DUSP28: variants seen among roughly 807,000 people sequenced by gnomAD.
DUSP28 encodes the protein dual specificity phosphatase 28.
Under a neutral mutation model 8.4 loss-of-function variants are expected in DUSP28, and 11 were observed. The ratio of observed to expected loss-of-function variants is 1.31; its 90% CI spans 0.83 to 2.17. The LOEUF is 2.17. DUSP28 is among the 30% of genes most tolerant of loss of function. DUSP28 has a pLI of 0.00. For synonymous variants in DUSP28, 178 were observed against 130.9 expected (o/e 1.36, Z -2.46); for missense variants, 373 against 270.4 (o/e 1.38, Z -2.66).
rs889347576 is a variant in DUSP28 at position 240,562,082 on chromosome 2, T to C, written c.*615T>C. 4.1e-4 allele frequency: 62 copies of C among 151,276 alleles called. 3 individuals carry two copies. The allele number at this position is 151,276 out of a possible 1,614,324, so 9.4% of individuals were successfully genotyped here. On this transcript the variant is annotated 3_prime_UTR_variant, in exon 2 of 2. Coordinates refer to ENST00000405954, the MANE Select transcript of DUSP28 (RefSeq NM_001370465.2). ...TACGGACATCCTTTTTCTTTCTCTC[T>C]TTCTTTTTTTTTGTTTGTTTGTTTG...
intron 1 of DUSP28, 126 bp downstream of exon 1, chr2:240,561,203 G>T: frequency 6.5e-7 from 1 of 1,534,448 alleles, no homozygotes. Context: ...CTCTCGTGAG[G>T]GCGGGCTTAG....
rs2092882110 is a variant in DUSP28 at position 240,560,535 on chromosome 2, C to T, written c.-150C>T. On this transcript the variant is annotated 5_prime_UTR_variant, in exon 1 of 2. Coordinates refer to ENST00000405954, the MANE Select transcript of DUSP28 (RefSeq NM_001370465.2). ...GTCCCGGCCCAGCGCCCGCGGGGGA[C>T]CCAAGCCCCAGCCTGGTCCACCTCG... The T allele has an allele frequency of 5.1e-6, 6 of 1,178,492 alleles. No homozygotes were observed. Among genetic ancestry groups the T allele is most frequent in the Middle Eastern group, 3.1e-4 (1 of 3,194 alleles). 73.0% of individuals were successfully genotyped at this position (1,178,492 alleles called of 1,614,324 possible). A position where few individuals can be genotyped will look rare whatever the true frequency, so the allele number is the denominator to read the frequency against.
chr2:240,560,469 C>A lies in DUSP28; in HGVS notation c.-216C>A. 1 of 673,402 alleles carries A rather than the reference C, an allele frequency of 1.5e-6. No individual in the cohort carries two copies. The highest frequency in any genetic ancestry group is 2.1e-6 in the Non-Finnish European group (1 of 469,584). The allele number at this position is 673,402 out of a possible 1,614,324, so 41.7% of individuals were successfully genotyped here. A position where few individuals can be genotyped will look rare whatever the true frequency, so the allele number is the denominator to read the frequency against. ...CCCCGGCGCCCTGGTGAGGCCCAAA[C>A]CTCCCGCCATGCCCCGGCCCCAACG... On this transcript the variant is annotated 5_prime_UTR_variant, in exon 1 of 2. Coordinates refer to ENST00000405954, the MANE Select transcript of DUSP28 (RefSeq NM_001370465.2).
Position 240,561,011 on chromosome 2 carries a change from C to T in DUSP28, c.327C>T (p.Arg109=), listed in dbSNP as rs530184793. 2 of 1,536,386 alleles carry T rather than the reference C, an allele frequency of 1.3e-6. No individual in the cohort carries two copies. The highest frequency in any genetic ancestry group is 2.0e-5 in the Admixed American group (1 of 49,178). ...TCTACTGCAAGAACGGCCGCAGCCG[C>T]TCGGCCGCCGTCTGCACCGCGTACC... The part of the protein sequence containing the change: ...CLVYCKNGRS[R]SAAVCTAYLM... Residue 109 remains arginine (R), a synonymous_variant, in exon 1 of 2, where the codon CGC becomes CGT. Transcript: ENST00000405954.
In DUSP28 at chr2:240,565,229, A is replaced by G. The variant is rs2092998331; in HGVS notation, c.*3762A>G. On this transcript the variant is annotated 3_prime_UTR_variant, in exon 2 of 2. Transcript: ENST00000405954. ...GCGTATTTACATTCTGTATGCGTCA[A>G]TGAGTAAAATACTGTGGTTGGTGCT... 6.6e-6 allele frequency among the ~76,000 whole-genome samples: 1 copy of G among 151,682 alleles called. No individual in the cohort carries two copies. The highest frequency in any genetic ancestry group is 6.5e-5 in the Admixed American group (1 of 15,278).
At position 240,560,580 on chromosome 2, in the gene DUSP28, G is replaced by T. The variant is rs936655776; in HGVS notation, c.-105G>T. 7 of 1,316,608 alleles carry T rather than the reference G, an allele frequency of 5.3e-6. No individual in the cohort carries two copies. Among genetic ancestry groups the T allele is most frequent in the East Asian group, 6.3e-5 (2 of 31,964 alleles). The allele number at this position is 1,316,608 out of a possible 1,614,324, so 81.6% of individuals were successfully genotyped here. On this transcript the variant is annotated 5_prime_UTR_variant, in exon 1 of 2. Transcript: ENST00000405954. ...ACCTCGGAGGCCTCTAGGACCCGGG[G>T]GCGCCCGGCGGCCCGCCCGGCTCCC... is the stretch of plus-strand genomic sequence containing the variant.
rs2092965348 is a variant in DUSP28 at position 240,561,786 on chromosome 2, C to T, written c.*319C>T. The T allele has an allele frequency of 4.1e-6, 1 of 241,720 alleles. No homozygotes were observed. Among genetic ancestry groups the T allele is most frequent in the Non-Finnish European group, 8.0e-6 (1 of 125,322 alleles). 15.0% of individuals were successfully genotyped at this position (241,720 alleles called of 1,614,324 possible). A position where few individuals can be genotyped will look rare whatever the true frequency, so the allele number is the denominator to read the frequency against. On this transcript the variant is annotated 3_prime_UTR_variant, in exon 2 of 2. Transcript: ENST00000405954. ...TCTCAGGGAAGGACATGAGTACAGA[C>T]TACAGTAATCAGAATCTGAGTCATA...
At chr2:240,561,215 G>A (rs1482434158) in intron 1 of DUSP28, 115 bp from the exon 2 acceptor site, 2 of 1,569,898 alleles carry the variant, frequency 1.3e-6, no homozygotes, top group Admixed American at 1.9e-5. Flanking sequence ...CGGGCTTAGG[G>A]AAGCAGAGAG....
rs2092996470 is a variant in DUSP28, at chr2:240,564,546, A to C, written c.*3079A>C. On this transcript the variant is annotated 3_prime_UTR_variant, in exon 2 of 2. Coordinates refer to ENST00000405954, the MANE Select transcript of DUSP28 (RefSeq NM_001370465.2). ...GCTTATTAAACAAGCCTTGGTCAGG[A>C]AAATCTAAACCACTTAAGGAACTGG... Among the ~76,000 whole-genome samples, 1 of 152,228 alleles carries C rather than the reference A, an allele frequency of 6.6e-6. No individual in the cohort carries two copies. The highest frequency in any genetic ancestry group is 1.5e-5 in the Non-Finnish European group (1 of 68,032).
chr2:240,560,655 G>C lies in DUSP28; in HGVS notation c.-30G>C. 1 of 1,479,688 alleles carries C rather than the reference G, an allele frequency of 6.8e-7. No homozygotes were observed. Among genetic ancestry groups the C allele is most frequent in the Non-Finnish European group, 8.9e-7 (1 of 1,127,104 alleles). The allele number at this position is 1,479,688 out of a possible 1,614,324, so 91.7% of individuals were successfully genotyped here. On this transcript the variant is annotated 5_prime_UTR_variant, in exon 1 of 2. Coordinates refer to ENST00000405954, the MANE Select transcript of DUSP28 (RefSeq NM_001370465.2). ...CTGAGCCCCCAAAATAGATCCTCAGGGCCCAAAAGCAGACTCTTCGGCGGG... is the reference window on the plus strand; with the variant it reads ...CTGAGCCCCCAAAATAGATCCTCAGCGCCCAAAAGCAGACTCTTCGGCGGG...
At position 240,563,657 on chromosome 2, in the gene DUSP28, T is replaced by A. The variant is rs2092993628; in HGVS notation, c.*2190T>A. 1 of 152,734 alleles carries A rather than the reference T, an allele frequency of 6.5e-6. No homozygotes were observed. The highest frequency in any genetic ancestry group is 2.4e-5 in the African/African-American group (1 of 41,454). The allele number at this position is 152,734 out of a possible 1,614,324, so 9.5% of individuals were successfully genotyped here. On this transcript the variant is annotated 3_prime_UTR_variant, in exon 2 of 2. Coordinates refer to ENST00000405954, the MANE Select transcript of DUSP28 (RefSeq NM_001370465.2). ...TTCCAGATAGGCCTAACAGCTGGTTTTCTGTTTGCATTTCAGCTGTTTCTG... is the reference window on the plus strand; with the variant it reads ...TTCCAGATAGGCCTAACAGCTGGTTATCTGTTTGCATTTCAGCTGTTTCTG...
chr2:240,561,085 G>A lies in DUSP28; in HGVS notation c.393+8G>A, dbSNP rs768550670. 6.8e-7 allele frequency: 1 copy of A among 1,473,644 alleles called. No homozygotes were observed. The highest frequency in any genetic ancestry group is 2.4e-5 in the East Asian group (1 of 40,900). 91.3% of individuals were successfully genotyped at this position (1,473,644 alleles called of 1,614,324 possible). A position where few individuals can be genotyped will look rare whatever the true frequency, so the allele number is the denominator to read the frequency against. On this transcript the variant is annotated splice_region_variant and intron_variant, in intron 1 of 1. Transcript: ENST00000405954. ...CTGGCGAAGGCCTTCCAGGTGGGCG[G>A]GCCTTTAGGGGGGCGGTGTTTCGAG...
At position 240,561,020 on chromosome 2, in the gene DUSP28, C is replaced by A; in HGVS notation, c.336C>A (p.Ala112=). 6.5e-7 allele frequency: 1 copy of A among 1,536,634 alleles called. No homozygotes were observed. Among genetic ancestry groups the A allele is most frequent in the Non-Finnish European group, 8.7e-7 (1 of 1,153,302 alleles). The change falls in exon 1 of 2, where the codon GCC becomes GCA. Residue 112 remains alanine, a synonymous_variant. Transcript: ENST00000405954. ...YCKNGRSRSA[A]VCTAYLMRHR... ...AGAACGGCCGCAGCCGCTCGGCCGC[C>A]GTCTGCACCGCGTACCTCATGCGGC...
rs978662315 is a variant in DUSP28 at position 240,564,331 on chromosome 2, C to T, written c.*2864C>T. On this transcript the variant is annotated 3_prime_UTR_variant, in exon 2 of 2. Coordinates refer to ENST00000405954, the MANE Select transcript of DUSP28 (RefSeq NM_001370465.2). ...GTGCCCTCTGAGGTCCATGGTCCCA[C>T]GGCACCACGGCCGCCCAGTGCACTC... 8.5e-5 allele frequency among the ~76,000 whole-genome samples: 13 copies of T among 152,228 alleles called. No individual in the cohort carries two copies. The highest frequency in any genetic ancestry group is 1.2e-4 in the Non-Finnish European group (8 of 68,044).
rs1559412089 is a variant in DUSP28 at position 240,563,291 on chromosome 2, T to A, written c.*1824T>A. 1.3e-5 allele frequency: 2 copies of A among 152,274 alleles called. No individual in the cohort carries two copies. Among genetic ancestry groups the A allele is most frequent in the East Asian group, 3.9e-4 (2 of 5,182 alleles). 9.4% of individuals were successfully genotyped at this position (152,274 alleles called of 1,614,324 possible). A position where few individuals can be genotyped will look rare whatever the true frequency, so the allele number is the denominator to read the frequency against. ...ATCTTGGCTCACTGCAAGCTCCGCC[T>A]CCCGGCTTCATGCCATTCTCGTCCT... is the stretch of plus-strand genomic sequence containing the variant. On this transcript the variant is annotated 3_prime_UTR_variant, in exon 2 of 2. Coordinates refer to ENST00000405954, the MANE Select transcript of DUSP28 (RefSeq NM_001370465.2).
In DUSP28 at chr2:240,562,325, A is replaced by G. The variant is rs1194355708; in HGVS notation, c.*858A>G. ...ATGGTCTCAAACTCCTGACCTCGTG[A>G]TCCACCCACCTCAGCCTCCCAAAGT... On this transcript the variant is annotated 3_prime_UTR_variant, in exon 2 of 2. Coordinates refer to ENST00000405954, the MANE Select transcript of DUSP28 (RefSeq NM_001370465.2). 2 of 152,188 alleles carry G rather than the reference A, an allele frequency of 1.3e-5. No homozygotes were observed. The highest frequency in any genetic ancestry group is 2.9e-5 in the Non-Finnish European group (2 of 68,046). 9.4% of individuals were successfully genotyped at this position (152,188 alleles called of 1,614,324 possible). A position where few individuals can be genotyped will look rare whatever the true frequency, so the allele number is the denominator to read the frequency against.
In DUSP28 at chr2:240,561,655, C is replaced by A; in HGVS notation, c.*188C>A. The A allele has an allele frequency of 1.2e-6, 1 of 828,686 alleles. No individual in the cohort carries two copies. Among genetic ancestry groups the A allele is most frequent in the Non-Finnish European group, 1.8e-6 (1 of 566,628 alleles). 51.3% of individuals were successfully genotyped at this position (828,686 alleles called of 1,614,324 possible). On this transcript the variant is annotated 3_prime_UTR_variant, in exon 2 of 2. Transcript: ENST00000405954. ...TATCTTACAGACACAAAAAGAAATA[C>A]ATTTGGTAAAACATCGAAGACAAAT...
At position 240,560,651 on chromosome 2, in the gene DUSP28, T is replaced by A. The variant is rs1459416196; in HGVS notation, c.-34T>A. On this transcript the variant is annotated 5_prime_UTR_variant, in exon 1 of 2. Coordinates refer to ENST00000405954, the MANE Select transcript of DUSP28 (RefSeq NM_001370465.2). ...GCGCCTGAGCCCCCAAAATAGATCC[T>A]CAGGGCCCAAAAGCAGACTCTTCGG... The A allele has an allele frequency of 1.4e-6, 2 of 1,473,272 alleles. No homozygotes were observed. Among genetic ancestry groups the A allele is most frequent in the Non-Finnish European group, 1.8e-6 (2 of 1,124,180 alleles). The allele number at this position is 1,473,272 out of a possible 1,614,324, so 91.3% of individuals were successfully genotyped here. A position where few individuals can be genotyped will look rare whatever the true frequency, so the allele number is the denominator to read the frequency against.
chr2:240,565,090 A>G lies in DUSP28; in HGVS notation c.*3623A>G, dbSNP rs2092997786. On this transcript the variant is annotated 3_prime_UTR_variant, in exon 2 of 2. Transcript: ENST00000405954. The stretch of plus-strand genomic sequence containing the variant: ...ACCTCTCCTGGACATCCTGTGGCCT[A>G]AAGACTATCCTAGAATCAACACTCC... 6.6e-6 allele frequency among the ~76,000 whole-genome samples: 1 copy of G among 152,250 alleles called. No individual in the cohort carries two copies.
Sources: allele counts gnomAD v4.1 joint callset (sites outside exome capture counted in the v4.1 genomes callset), GRCh38; gene constraint gnomAD v4.1.1; transcripts MANE v1.5; gene names NCBI Gene and HGNC (gene_info 2026-07-23, HGNC 2026-07-21).